The following CSMD3 variants were observed in gnomAD, a reference collection of about 807,000 sequenced individuals.
The protein encoded by CSMD3 is CUB and Sushi multiple domains 3, also known as CUB and sushi domain-containing protein 3.
Under a neutral mutation model 435.2 loss-of-function variants are expected in CSMD3, and 177 were observed. The observed-to-expected ratio is 0.41, with a 90% CI of 0.36 to 0.46. The LOEUF (loss-of-function observed/expected upper bound fraction) is 0.46, where lower values mean the gene tolerates loss of function less well. Among genes scored for constraint, CSMD3 ranks in the 20% least tolerant of loss-of-function variants. The pLI, the probability that CSMD3 is intolerant of heterozygous loss-of-function variation, is 0.34. For synonymous variants in CSMD3, 1,656 were observed against 1,520.5 expected (o/e 1.09, Z -2.07); for missense variants, 4,265 against 4,504.6 (o/e 0.95, Z 1.52).
At chr8:112,883,597 T>C (rs983149643) in intron 10 of CSMD3, among the ~76,000 whole-genome samples, 1 of 151,968 alleles carries the variant, frequency 6.6e-6, no homozygotes, top group African/African-American at 2.4e-5. Context: ...GTAAAAATTG[T>C]ACAGAGAGTT....
intron 10 of CSMD3, among the ~76,000 whole-genome samples, chr8:112,879,650 C>A (rs1208579663): frequency 5.3e-5 from 8 of 151,976 alleles, no homozygotes; most frequent in Admixed American, 3.3e-4. Flanking sequence ...CCCCCAGACA[C>A]CCAGCTTTAA....
intron 6 of CSMD3, among the ~76,000 whole-genome samples, chr8:113,003,379 T>C (rs2085939826): frequency 6.6e-6 from 1 of 152,150 alleles, no homozygotes; most frequent in African/African-American, 2.4e-5. Flanking sequence ...TCTCACCCTA[T>C]AAAAATCTGA....
chr8:113,251,593 G>T (rs974779875), intron 3 of CSMD3, among the ~76,000 whole-genome samples: 2 of 151,742 alleles, frequency 1.3e-5, no homozygotes, highest in Non-Finnish European at 2.9e-5. Context: ...CTATTGTTTA[G>T]CTGTAAGTTA....
At chr8:112,422,979 A>G (rs947089277) in intron 32 of CSMD3, among the ~76,000 whole-genome samples, 13 of 152,158 alleles carry the variant, frequency 8.5e-5, no homozygotes, top group African/African-American at 3.1e-4. Flanking sequence ...TAGTTACTTA[A>G]CCTTCTCCAG....
rs116738104 is a variant in CSMD3 at position 112,403,810 on chromosome 8, T to C, written c.5809+2714A>G. Among the ~76,000 whole-genome samples, 1,304 of 152,142 alleles carry C rather than the reference T, an allele frequency of 8.6e-3. 19 individuals carry two copies. The highest frequency in any genetic ancestry group is 0.03 in the African/African-American group (1,259 of 41,484). ...GAGAATAAATATTCAGACGATAGGA[T>C]TGGCAAACAGTGGCATTAAGAAAAT... On this transcript the variant is annotated intron_variant, in intron 35 of 70. Coordinates refer to ENST00000297405, the MANE Select transcript of CSMD3 (RefSeq NM_198123.2).
chr8:112,781,398 C>G (rs66580830), intron 13 of CSMD3, among the ~76,000 whole-genome samples: 2 of 151,824 alleles, frequency 1.3e-5, no homozygotes, highest in Non-Finnish European at 2.9e-5. Flanking sequence ...GGTACCAACT[C>G]AGCTACAGTA....
At chr8:112,708,017 C>T (rs1448976867) in intron 13 of CSMD3, among the ~76,000 whole-genome samples, 3 of 152,004 alleles carry the variant, frequency 2.0e-5, no homozygotes, top group Admixed American at 2.0e-4. Context: ...TTATTAGTTA[C>T]ATGATATACA....
intron 13 of CSMD3, among the ~76,000 whole-genome samples, chr8:112,730,052 A>C (rs1376739158): frequency 1.3e-5 from 2 of 152,122 alleles, no homozygotes; most frequent in African/African-American, 4.8e-5. Flanking sequence ...TTAGTGGAAA[A>C]GAGGATACTT....
intron 1 of CSMD3, among the ~76,000 whole-genome samples, chr8:113,346,511 A>C (rs1440934966): frequency 6.6e-6 from 1 of 152,128 alleles, no homozygotes; most frequent in African/African-American, 2.4e-5. Context: ...AGTGCCAAGG[A>C]AACTAGATTT....
intron 5 of CSMD3, among the ~76,000 whole-genome samples, chr8:113,031,385 C>T (rs530707292): frequency 7.3e-5 from 11 of 151,578 alleles, no homozygotes; most frequent in African/African-American, 2.7e-4. Context: ...TAAAACAGAA[C>T]ATTAAGAGCA....
At position 112,636,903 on chromosome 8, in the gene CSMD3, G is replaced by A. The variant is rs749839773; in HGVS notation, c.3629C>T (p.Ser1210Leu). Residue 1210 changes from serine (S) to leucine (L), a missense_variant, in exon 22 of 71, where the codon TCG (serine) becomes TTG (leucine). Around this residue, in one of 3 missense-constraint regions of CSMD3, gnomAD observed 3,255 missense variants for 3,380.2 expected, o/e 0.96. Transcript: ENST00000297405. Reference protein sequence around the residue: ...IGDTLTFSCSSGYRLEGTSEI... With the variant: ...IGDTLTFSCSLGYRLEGTSEI... ...TGATGTTCCTTCCAGTCGATAACCC[G>A]AAGAGCATGAGAAGGTCAGAGTGTC... 4 of 1,613,178 alleles carry A rather than the reference G, an allele frequency of 2.5e-6. No homozygotes were observed. The highest frequency in any genetic ancestry group is 3.4e-6 in the Non-Finnish European group (4 of 1,179,682).
chr8:112,905,479 T>A (rs2082236498), intron 10 of CSMD3, among the ~76,000 whole-genome samples: 1 of 151,396 alleles, frequency 6.6e-6, no homozygotes, highest in African/African-American at 2.4e-5. Context: ...CTTTTTAAGG[T>A]TGTTCTTACA....
At chr8:113,030,441 A>AAG (rs2087054866) in intron 5 of CSMD3, among the ~76,000 whole-genome samples, 1 of 149,464 alleles carries the variant, frequency 6.7e-6, no homozygotes, top group African/African-American at 2.4e-5. Context: ...AAAAAAAAAA[A>AAG]AAAAGATAAG....
At chr8:112,877,876 A>G in intron 10 of CSMD3, among the ~76,000 whole-genome samples, 1 of 152,072 alleles carries the variant, frequency 6.6e-6, no homozygotes, top group East Asian at 1.9e-4. Context: ...TGCAGAAAAG[A>G]GAAACTGGAC....
At chr8:112,362,387 A>T (rs763001590) in intron 38 of CSMD3, among the ~76,000 whole-genome samples, 1 of 151,988 alleles carries the variant, frequency 6.6e-6, no homozygotes, top group Non-Finnish European at 1.5e-5. Flanking sequence ...TATTTACTTT[A>T]TCTGTGCTTA....
At chr8:112,287,672 T>C (rs1263113275) in intron 57 of CSMD3, among the ~76,000 whole-genome samples, 1 of 152,148 alleles carries the variant, frequency 6.6e-6, no homozygotes, top group Non-Finnish European at 1.5e-5. Context: ...AATATTTTTA[T>C]TGTTTTTGTT....
At chr8:113,112,128 T>C (rs958766996) in intron 4 of CSMD3, among the ~76,000 whole-genome samples, 25 of 151,992 alleles carry the variant, frequency 1.6e-4, no homozygotes, top group Non-Finnish European at 3.4e-4. Flanking sequence ...TATAATCTTT[T>C]GGGGTTTACA....
intron 38 of CSMD3, among the ~76,000 whole-genome samples, chr8:112,356,505 T>C (rs1303762): frequency 0.67 from 100,852 of 151,532 alleles, 35,363 homozygotes; most frequent in African/African-American, 0.89. Flanking sequence ...GGGGGTTACT[T>C]GGTAGGGGAA....
At chr8:112,957,682 A>G (rs956583484) in intron 7 of CSMD3, among the ~76,000 whole-genome samples, 1 of 148,908 alleles carries the variant, frequency 6.7e-6, no homozygotes, top group Non-Finnish European at 1.5e-5. Flanking sequence ...AACTCCTGTC[A>G]GGTGAACTGC....
Sources: gnomAD v4.1 joint callset for allele counts (sites outside exome capture counted in the v4.1 genomes callset) on GRCh38, gnomAD v4.1.1 for gene constraint, gnomAD v4.1.1 regional missense constraint, MANE v1.5 for transcripts, NCBI Gene and HGNC (gene_info 2026-07-23, HGNC 2026-07-21) for gene names.